The following C3orf22 variants were observed in gnomAD, a reference collection of about 807,000 sequenced individuals.
C3orf22 encodes the protein uncharacterized protein C3orf22.
C3orf22 carries 7 observed loss-of-function variants against 10.8 expected under a neutral mutation model. That is an observed-to-expected ratio of 0.65 (90% confidence interval 0.37 to 1.22). The LOEUF (loss-of-function observed/expected upper bound fraction) is 1.22. Ranked by LOEUF, C3orf22 falls within the 50% of genes most tolerant of loss-of-function variation. The pLI is 0.02. For synonymous variants in C3orf22, 79 were observed against 78.9 expected, an observed-to-expected ratio of 1.00 and a Z score of 0.00; for missense variants, 173 against 177.0, an observed-to-expected ratio of 0.98 and a Z score of 0.13.
intron 1 of C3orf22, among the ~76,000 whole-genome samples, chr3:126,556,342 G>A (rs1937328565): frequency 6.6e-6 from 1 of 152,134 alleles, no homozygotes. Flanking sequence ...TCGGAGCTGT[G>A]CTCTGCACAG....
intron 4 of C3orf22, among the ~76,000 whole-genome samples, chr3:126,531,399 T>C (rs138554667): frequency 1.1e-3 from 172 of 152,410 alleles, no homozygotes; most frequent in African/African-American, 4.0e-3. Flanking sequence ...GCGACATTTA[T>C]AGACTCTTCA....
intron 2 of C3orf22, among the ~76,000 whole-genome samples, chr3:126,553,059 C>T (rs1937236470): frequency 6.6e-6 from 1 of 152,226 alleles, no homozygotes; most frequent in Admixed American, 6.5e-5. Flanking sequence ...GGGGAAGCAG[C>T]TGGCCTGGGC....
rs113367558 is a variant in C3orf22, at chr3:126,530,565, C to T, written c.287-1193G>A. Among the ~76,000 whole-genome samples, 145 of 152,360 alleles carry T rather than the reference C, an allele frequency of 9.5e-4. 1 individual carries two copies. The highest frequency in any genetic ancestry group is 3.4e-3 in the African/African-American group (141 of 41,586). On this transcript the variant is annotated intron_variant and NMD_transcript_variant, in intron 4 of 5. Transcript: ENST00000505070. ...GGGACACGTCTCATCTGCAACACGG[C>T]GAGAAGGCCTGGCCTCCTCTCATGG...
At chr3:126,530,772 A>G (rs1221947606) in intron 4 of C3orf22, among the ~76,000 whole-genome samples, 1 of 152,184 alleles carries the variant, frequency 6.6e-6, no homozygotes, top group African/African-American at 2.4e-5. Flanking sequence ...GGCAGTTCAG[A>G]TCTCTGACTC....
chr3:126,545,049 GC>G (rs1182267699), downstream of C3orf22, among the ~76,000 whole-genome samples: 5 of 152,338 alleles, frequency 3.3e-5, no homozygotes, highest in Admixed American at 3.3e-4. Flanking sequence ...CAGATCACAG[GC>G]TGACCACCCT....
chr3:126,533,648 CT>C (rs1936705185), intron 4 of C3orf22, among the ~76,000 whole-genome samples: 2 of 152,146 alleles, frequency 1.3e-5, no homozygotes, highest in South Asian at 4.1e-4. Context: ...GAACTTTGCA[CT>C]TATATTCATA....
chr3:126,558,076 C>T (rs1015713476), intron 1 of C3orf22, among the ~76,000 whole-genome samples: 10 of 152,178 alleles, frequency 6.6e-5, no homozygotes, highest in African/African-American at 1.2e-4. Context: ...AAGCCTGGGC[C>T]GGGACAGGCA....
chr3:126,538,668 C>G (rs572110646), intron 4 of C3orf22, among the ~76,000 whole-genome samples: 1 of 152,268 alleles, frequency 6.6e-6, no homozygotes, highest in East Asian at 1.9e-4. Flanking sequence ...CTGTGGGCCC[C>G]GGGGGCACAG....
At chr3:126,551,952 A>T in intron 3 of C3orf22, 45 bp downstream of exon 3, 1 of 1,555,924 alleles carries the variant, frequency 6.4e-7, no homozygotes, top group African/African-American at 1.4e-5. Flanking sequence ...GCCAGGCAGC[A>T]TGCACACAGC....
chr3:126,549,972 G>A lies in C3orf22; in HGVS notation c.322C>T (p.Arg108Cys), dbSNP rs762729878. ...AAGGCGAGTTGTCTGGGGAAGCGGC[G>A]ACTCAGCAACTTGAGTTCCCAAAGG... ...CNLWELKLLS[R>C]RFPRQLAFLL... Residue 108 changes from arginine to cysteine, a missense_variant, in exon 4 of 4, where the codon CGC becomes TGC. Transcript: ENST00000318225. The A allele has an allele frequency of 1.1e-5, 18 of 1,614,012 alleles. No homozygotes were observed. The highest frequency in any genetic ancestry group is 1.6e-4 in the Middle Eastern group (1 of 6,084).
intron 4 of C3orf22, chr3:126,542,314 C>T (rs1490470947): frequency 7.7e-6 from 12 of 1,568,212 alleles, no homozygotes; most frequent in South Asian, 1.2e-5. Flanking sequence ...ACGCGCTCTG[C>T]CACCCGTGTC....
At chr3:126,556,779 ACTCAGACTCACACACACT>A (rs1045632980) in intron 1 of C3orf22, among the ~76,000 whole-genome samples, 3 of 97,896 alleles carry the variant, frequency 3.1e-5, no homozygotes, top group Non-Finnish European at 5.0e-5. Flanking sequence ...AGACTCACAC[ACTCAGACTCACACACACT>A]CAGGCTCACC....
At chr3:126,540,519 G>A (rs929405947) in intron 4 of C3orf22, among the ~76,000 whole-genome samples, 3 of 152,174 alleles carry the variant, frequency 2.0e-5, no homozygotes, top group Non-Finnish European at 4.4e-5. Flanking sequence ...TATTCGCTTG[G>A]CATAACGCCC....
chr3:126,551,956 A>T (rs1937197251), intron 3 of C3orf22, 41 bp downstream of exon 3: 1 of 1,561,572 alleles, frequency 6.4e-7, no homozygotes, highest in Non-Finnish European at 8.7e-7. Context: ...GGCAGCATGC[A>T]CACAGCCAGT....
chr3:126,547,503 G>GT (rs1333513961), downstream of C3orf22, among the ~76,000 whole-genome samples: 2 of 152,192 alleles, frequency 1.3e-5, no homozygotes, highest in Non-Finnish European at 2.9e-5. Context: ...TACAGACCAT[G>GT]TATGTTTTTA....
At chr3:126,548,784 T>C (rs1414050515), downstream of C3orf22, among the ~76,000 whole-genome samples, 1 of 152,192 alleles carries the variant, frequency 6.6e-6, no homozygotes. Context: ...CCCACCCCTG[T>C]CCTGCCCCCA....
intron 4 of C3orf22, among the ~76,000 whole-genome samples, chr3:126,537,539 C>G (rs540185529): frequency 6.6e-6 from 1 of 152,262 alleles, no homozygotes; most frequent in South Asian, 2.1e-4. Flanking sequence ...CTGGCCCAAG[C>G]CTACAAGCAG....
intron 4 of C3orf22, chr3:126,541,589 A>T: frequency 1.5e-6 from 1 of 663,888 alleles, no homozygotes; most frequent in Non-Finnish European, 2.4e-6. Flanking sequence ...CACAGTGATC[A>T]GTGACAGCCC....
At chr3:126,548,058 G>T (rs146212855), downstream of C3orf22, among the ~76,000 whole-genome samples, 1,258 of 152,300 alleles carry the variant, frequency 8.3e-3, 12 homozygotes, top group African/African-American at 0.029. Context: ...GCAGTGGTGC[G>T]ATCTCAGCTC....
Sources: allele counts gnomAD v4.1 joint callset (sites outside exome capture counted in the v4.1 genomes callset), GRCh38; gene constraint gnomAD v4.1.1; transcripts MANE v1.5; gene names NCBI Gene and HGNC (gene_info 2026-07-23, HGNC 2026-07-21).